The following DLG2 variants were observed in gnomAD, a reference collection of about 807,000 sequenced individuals.
DLG2 encodes the protein discs large MAGUK scaffold protein 2.
Under a neutral mutation model 132.5 loss-of-function variants are expected in DLG2, and 45 were observed. That is an observed-to-expected ratio of 0.34 (90% CI 0.27 to 0.44). The LOEUF is 0.44. DLG2 is among the 20% of genes least tolerant of loss of function. The probability of loss-of-function intolerance (pLI) is 1.00; values close to 1 mark genes in which losing one functional copy is unlikely to be tolerated. For missense variants in DLG2, 1,045 were observed against 1,196.9 expected (o/e 0.87, Z 1.87); for synonymous variants, 424 against 419.6 (o/e 1.01, Z -0.13).
chr11:85,054,568 A>G (rs2063260285), intron 6 of DLG2, among the ~76,000 whole-genome samples: 1 of 152,224 alleles, frequency 6.6e-6, no homozygotes, highest in Non-Finnish European at 1.5e-5. Flanking sequence ...ATGCACTTGT[A>G]CATTCACAGC....
chr11:84,136,470 C>T (rs149180172), intron 9 of DLG2, among the ~76,000 whole-genome samples: 140 of 152,204 alleles, frequency 9.2e-4, no homozygotes, highest in Non-Finnish European at 1.6e-3. Context: ...GCTGTTATTA[C>T]ATCATCATCA....
At chr11:84,371,540 G>A (rs1021404907) in intron 7 of DLG2, among the ~76,000 whole-genome samples, 8 of 152,098 alleles carry the variant, frequency 5.3e-5, no homozygotes, top group African/African-American at 1.7e-4. Context: ...GAGCCACCAC[G>A]CCTGGCCACA....
intron 17 of DLG2, among the ~76,000 whole-genome samples, chr11:83,798,276 A>G (rs2043372660): frequency 6.6e-6 from 1 of 152,214 alleles, no homozygotes; most frequent in Non-Finnish European, 1.5e-5. Context: ...TTGTTTCCTC[A>G]TATGCATCAA....
intron 11 of DLG2, among the ~76,000 whole-genome samples, chr11:84,036,572 T>C (rs990170532): frequency 1.3e-5 from 2 of 152,170 alleles, no homozygotes; most frequent in African/African-American, 4.8e-5. Context: ...TTTTCCATGA[T>C]ACCATTTCTC....
chr11:84,387,693 C>T (rs1273537846), intron 7 of DLG2, among the ~76,000 whole-genome samples: 1 of 152,102 alleles, frequency 6.6e-6, no homozygotes, highest in Non-Finnish European at 1.5e-5. Flanking sequence ...ACTTTATCAA[C>T]ATAATTTGTA....
intron 18 of DLG2, among the ~76,000 whole-genome samples, chr11:83,673,820 A>C (rs2077249587): frequency 1.3e-5 from 2 of 152,254 alleles, no homozygotes; most frequent in South Asian, 4.1e-4. Flanking sequence ...TGCACACAGC[A>C]GCAGTAAACA....
At chr11:83,933,906 T>A (rs1174164493) in intron 14 of DLG2, among the ~76,000 whole-genome samples, 5 of 152,190 alleles carry the variant, frequency 3.3e-5, no homozygotes, top group Non-Finnish European at 7.4e-5. Context: ...GAGAAAAAAT[T>A]TTCAGTTAAC....
intron 6 of DLG2, among the ~76,000 whole-genome samples, chr11:85,041,058 G>A (rs1030056397): frequency 4.6e-5 from 7 of 151,792 alleles, no homozygotes; most frequent in African/African-American, 1.7e-4. Context: ...AGGGGGAACA[G>A]GGGTCCAATT....
In DLG2 at chr11:84,600,603, C is replaced by T. The variant is rs142786202; in HGVS notation, c.358-65872G>A. ...TCAAATATAATGCTCTTTTAACATA[C>T]CTTGTTTATTTTTTCAAATTCATTC... On this transcript the variant is annotated intron_variant, in intron 6 of 27. Coordinates refer to ENST00000376104, the MANE Select transcript of DLG2 (RefSeq NM_001142699.3). Among the ~76,000 whole-genome samples, 429 of 152,176 alleles carry T rather than the reference C, an allele frequency of 2.8e-3. 2 individuals carry two copies. Among genetic ancestry groups the T allele is most frequent in the Non-Finnish European group, 3.2e-3 (221 of 68,008 alleles).
At chr11:84,110,713 G>A (rs1169821876) in intron 9 of DLG2, among the ~76,000 whole-genome samples, 1 of 152,146 alleles carries the variant, frequency 6.6e-6, no homozygotes. Flanking sequence ...TGGCTCAGAG[G>A]AGCCATTGGG....
chr11:84,765,998 A>G (rs1237185578), intron 6 of DLG2, among the ~76,000 whole-genome samples: 1 of 152,048 alleles, frequency 6.6e-6, no homozygotes, highest in Non-Finnish European at 1.5e-5. Context: ...TATTCCCACA[A>G]TACCTTCAGT....
chr11:84,704,590 C>T (rs1002919517), intron 6 of DLG2, among the ~76,000 whole-genome samples: 1 of 151,416 alleles, frequency 6.6e-6, no homozygotes, highest in Non-Finnish European at 1.5e-5. Flanking sequence ...AGAGATAGCC[C>T]TGGCCCTCAT....
intron 3 of DLG2, among the ~76,000 whole-genome samples, chr11:85,503,115 C>T (rs1422991946): frequency 6.6e-6 from 1 of 152,006 alleles, no homozygotes; most frequent in East Asian, 1.9e-4. Flanking sequence ...CATTCATAAA[C>T]AAGCAAACTA....
At chr11:85,583,130 GTATATATATATATATATATATA>G (rs3068386) in intron 3 of DLG2, among the ~76,000 whole-genome samples, 81 of 13,610 alleles carry the variant, frequency 6.0e-3, no homozygotes, top group African/African-American at 0.014. Context: ...GTGTGTGTGT[GTATATATATATATATATATATA>G]TATATATATA....
intron 6 of DLG2, among the ~76,000 whole-genome samples, chr11:85,110,081 T>C (rs997734689): frequency 6.6e-6 from 1 of 152,176 alleles, no homozygotes; most frequent in East Asian, 1.9e-4. Flanking sequence ...AAGGAGCACA[T>C]TGTCTCCATG....
chr11:84,451,836 G>T (rs1171010755), intron 7 of DLG2, among the ~76,000 whole-genome samples: 1 of 151,810 alleles, frequency 6.6e-6, no homozygotes, highest in Non-Finnish European at 1.5e-5. Context: ...GTTGGGAATG[G>T]TTAAATTTTT....
At chr11:85,307,346 A>T (rs2152803240) in intron 3 of DLG2, among the ~76,000 whole-genome samples, 1 of 152,370 alleles carries the variant, frequency 6.6e-6, no homozygotes, top group South Asian at 2.1e-4. Flanking sequence ...AATACATAAC[A>T]TAGTTTGACA....
At chr11:84,194,391 G>C (rs1381897101) in intron 8 of DLG2, among the ~76,000 whole-genome samples, 1 of 152,146 alleles carries the variant, frequency 6.6e-6, no homozygotes, top group African/African-American at 2.4e-5. Context: ...TCAGGAGTGA[G>C]GCTGCAGACC....
intron 7 of DLG2, among the ~76,000 whole-genome samples, chr11:84,399,916 T>A (rs535898266): frequency 6.6e-6 from 1 of 152,376 alleles, no homozygotes; most frequent in East Asian, 1.9e-4. Context: ...CTACTGATGC[T>A]ACCTAACCTG....
Sources: gnomAD v4.1 joint callset for allele counts (sites outside exome capture counted in the v4.1 genomes callset) on GRCh38, gnomAD v4.1.1 for gene constraint, MANE v1.5 for transcripts, NCBI Gene and HGNC (gene_info 2026-07-23, HGNC 2026-07-21) for gene names.